RAB40B: variants seen among roughly 807,000 people sequenced by gnomAD.
RAB40B encodes RAB40B, member RAS oncogene family.
Under a neutral mutation model 24.0 loss-of-function variants are expected in RAB40B, and 21 were observed. The ratio of observed to expected loss-of-function variants is 0.88; its 90% CI spans 0.62 to 1.26. The LOEUF is 1.26. Ranked by LOEUF, RAB40B falls within the 50% of genes most tolerant of loss-of-function variation. The pLI is 0.00. For missense variants in RAB40B, 348 were observed against 390.5 expected, an observed-to-expected ratio of 0.89 and a Z score of 0.92; for synonymous variants, 167 against 169.8, an observed-to-expected ratio of 0.98 and a Z score of 0.13.
intron 1 of RAB40B, among the ~76,000 whole-genome samples, chr17:82,679,780 G>C (rs1046870266): frequency 7.2e-5 from 11 of 152,206 alleles, no homozygotes; most frequent in Admixed American, 1.3e-4. Context: ...CACAGGGCAG[G>C]GGCCAGCTTC....
chr17:82,657,131 C>T lies in RAB40B; in HGVS notation c.*732G>A, dbSNP rs940891874. 2.6e-5 allele frequency: 4 copies of T among 153,064 alleles called. No individual in the cohort carries two copies. The highest frequency in any genetic ancestry group is 5.8e-5 in the Non-Finnish European group (4 of 68,456). 9.5% of individuals were successfully genotyped at this position (153,064 alleles called of 1,614,324 possible). On this transcript the variant is annotated 3_prime_UTR_variant, in exon 6 of 6. Transcript: ENST00000571995. ...ACATTTTCCTAAATAAGTGTTTTCACTTCATTCTTTACTGAAACAGCTCTT... is the reference window on the plus strand; with the variant it reads ...ACATTTTCCTAAATAAGTGTTTTCATTTCATTCTTTACTGAAACAGCTCTT...
chr17:82,682,137 AC>A (rs1233480067), intron 1 of RAB40B, among the ~76,000 whole-genome samples: 261 of 151,948 alleles, frequency 1.7e-3, no homozygotes, highest in African/African-American at 6.1e-3. Flanking sequence ...ACACACACAC[AC>A]AGGCACGCAT....
rs1291920755 is a variant in RAB40B, at chr17:82,663,704, T to C, written c.203+792A>G. On this transcript the variant is annotated intron_variant, in intron 2 of 5. Transcript: ENST00000571995. This position sits in a 1 kb window ranked among gnomAD's most constrained non-coding sequence, Gnocchi z 6.2. Reference sequence around the variant, plus strand: ...CCGCTGGCACCAGGACGCTCCGAGCTCCCTGCCGGGTGCTCAGTGGCATCA... The same window carrying C: ...CCGCTGGCACCAGGACGCTCCGAGCCCCCTGCCGGGTGCTCAGTGGCATCA... 7.9e-5 allele frequency among the ~76,000 whole-genome samples: 12 copies of C among 151,868 alleles called. No individual in the cohort carries two copies. Among genetic ancestry groups the C allele is most frequent in the Admixed American group, 7.9e-4 (12 of 15,276 alleles).
In RAB40B at chr17:82,656,152, T is replaced by G. The variant is rs2143429934; in HGVS notation, c.*1711A>C. On this transcript the variant is annotated 3_prime_UTR_variant, in exon 6 of 6. Coordinates refer to ENST00000571995, the MANE Select transcript of RAB40B (RefSeq NM_006822.3). ...TTATTAGAGACGGGGTTTCATCACGTTGGCCAGACTGGTCTTGAACTCCTG... is the reference window on the plus strand; with the variant it reads ...TTATTAGAGACGGGGTTTCATCACGGTGGCCAGACTGGTCTTGAACTCCTG... 1 of 152,006 alleles carries G rather than the reference T, an allele frequency of 6.6e-6. No individual in the cohort carries two copies. Among genetic ancestry groups the G allele is most frequent in the Middle Eastern group, 3.4e-3 (1 of 296 alleles). The allele number at this position is 152,006 out of a possible 1,614,324, so 9.4% of individuals were successfully genotyped here.
intron 4 of RAB40B, 43 bp from the exon 5 acceptor site, chr17:82,658,756 G>A: frequency 6.5e-7 from 1 of 1,549,390 alleles, no homozygotes; most frequent in Non-Finnish European, 8.8e-7. Context: ...TTACTTCAGT[G>A]AGATTTTGTT....
At position 82,656,541 on chromosome 17, in the gene RAB40B, G is replaced by C. The variant is rs1054232430; in HGVS notation, c.*1322C>G. On this transcript the variant is annotated 3_prime_UTR_variant, in exon 6 of 6. Coordinates refer to ENST00000571995, the MANE Select transcript of RAB40B (RefSeq NM_006822.3). Reference sequence around the variant, plus strand: ...ATTTCTCAGACAGGCACATGCCTGGGTGCCAGCTTTTAACTCTCCGCTCTC... The same window carrying C: ...ATTTCTCAGACAGGCACATGCCTGGCTGCCAGCTTTTAACTCTCCGCTCTC... The C allele has an allele frequency of 6.6e-6, 1 of 152,162 alleles. No individual in the cohort carries two copies. The highest frequency in any genetic ancestry group is 1.5e-5 in the Non-Finnish European group (1 of 68,040). The allele number at this position is 152,162 out of a possible 1,614,324, so 9.4% of individuals were successfully genotyped here. A position where few individuals can be genotyped will look rare whatever the true frequency, so the allele number is the denominator to read the frequency against.
chr17:82,691,493 C>T (rs987285570), intron 1 of RAB40B, among the ~76,000 whole-genome samples: 1 of 152,104 alleles, frequency 6.6e-6, no homozygotes, highest in Non-Finnish European at 1.5e-5. Flanking sequence ...CGAGACCAGC[C>T]TGACCAACAT....
chr17:82,658,527 G>T lies in RAB40B; in HGVS notation c.529C>A (p.Arg177=), dbSNP rs759416119. The T allele has an allele frequency of 7.4e-6, 12 of 1,613,124 alleles. No individual in the cohort carries two copies. In the Middle Eastern group the frequency reaches 1.6e-3, roughly 216 times the overall value. The change falls in exon 5 of 6, where the codon CGG becomes AGG. Residue 177 remains arginine (R), a synonymous_variant. Coordinates refer to ENST00000571995, the MANE Select transcript of RAB40B (RefSeq NM_006822.3). ...CGCCAGAGCCGGTCCATCCCATGCCGCAGCAGCACGATCCTGGCCAGCTCC... is the reference window on the plus strand; with the variant it reads ...CGCCAGAGCCGGTCCATCCCATGCCTCAGCAGCACGATCCTGGCCAGCTCC... The part of the protein sequence containing the change: ...FTELARIVLL[R]HGMDRLWRPS...
chr17:82,676,322 G>C (rs2046393874), intron 1 of RAB40B, among the ~76,000 whole-genome samples: 1 of 139,106 alleles, frequency 7.2e-6, no homozygotes, highest in Non-Finnish European at 1.6e-5. Context: ...CACACAGTGA[G>C]GGCACCCCTC....
chr17:82,684,775 T>C (rs984346426), intron 1 of RAB40B, among the ~76,000 whole-genome samples: 1 of 152,010 alleles, frequency 6.6e-6, no homozygotes, highest in African/African-American at 2.4e-5. Context: ...GTGGAGGTGT[T>C]CTCCACCTTG....
chr17:82,680,124 C>T (rs975619610), intron 1 of RAB40B, among the ~76,000 whole-genome samples: 16 of 152,212 alleles, frequency 1.1e-4, no homozygotes, highest in South Asian at 2.1e-4. Flanking sequence ...CTGCTCAGAC[C>T]GGAGGCCTGG....
intron 1 of RAB40B, among the ~76,000 whole-genome samples, chr17:82,682,619 A>G (rs1421761298): frequency 6.6e-6 from 1 of 152,218 alleles, no homozygotes; most frequent in Non-Finnish European, 1.5e-5. Context: ...CAAACTCAAG[A>G]CTTACTATAT....
chr17:82,675,139 T>C lies in RAB40B; in HGVS notation c.143-10583A>G, dbSNP rs1399743203. Among the ~76,000 whole-genome samples the C allele has an allele frequency of 6.6e-6, 1 of 152,216 alleles. No individual in the cohort carries two copies. Among genetic ancestry groups the C allele is most frequent in the Non-Finnish European group, 1.5e-5 (1 of 68,046 alleles). ...GCTACAAAGGATGCATTTTCACATC[T>C]TCCCCAAGCAAAGTACAATGACCTC... On this transcript the variant is annotated intron_variant, in intron 1 of 5. Transcript: ENST00000571995. The surrounding 1 kb of genome is among the most constrained non-coding windows in gnomAD (Gnocchi z 4.5).
chr17:82,686,832 C>T (rs1035835568), intron 1 of RAB40B, among the ~76,000 whole-genome samples: 6 of 152,234 alleles, frequency 3.9e-5, no homozygotes, highest in African/African-American at 1.4e-4. Flanking sequence ...GAGCCCCCCA[C>T]CTTCCTCCAC....
At chr17:82,659,719 C>T (rs1313626150) in intron 3 of RAB40B, 62 bp from the exon 4 acceptor site, 2 of 1,308,978 alleles carry the variant, frequency 1.5e-6, no homozygotes, top group Non-Finnish European at 2.2e-6. Flanking sequence ...TGTGGCCATG[C>T]ACGCAAAGAC....
At chr17:82,688,653 G>T (rs1264826330) in intron 1 of RAB40B, among the ~76,000 whole-genome samples, 2 of 151,952 alleles carry the variant, frequency 1.3e-5, no homozygotes, top group East Asian at 3.9e-4. Flanking sequence ...TTTTGTTTGG[G>T]CCGGGCGTGG....
intron 3 of RAB40B, among the ~76,000 whole-genome samples, chr17:82,660,075 TACAC>T (rs145916099): frequency 0.012 from 1,759 of 149,386 alleles, 15 homozygotes; most frequent in Non-Finnish European, 0.019. Context: ...ACATGTTGCA[TACAC>T]ACACGCAGGC....
chr17:82,686,842 C>T (rs1180243012), intron 1 of RAB40B, among the ~76,000 whole-genome samples: 2 of 152,226 alleles, frequency 1.3e-5, no homozygotes, highest in Non-Finnish European at 2.9e-5. Flanking sequence ...CCTTCCTCCA[C>T]GTTCCTCCCG....
chr17:82,672,569 T>G (rs1234143653), intron 1 of RAB40B, among the ~76,000 whole-genome samples: 1 of 152,156 alleles, frequency 6.6e-6, no homozygotes, highest in Non-Finnish European at 1.5e-5. Flanking sequence ...GCCAAGTAAT[T>G]AGGATTAGGT....
Sources: gnomAD v4.1 joint callset for allele counts (sites outside exome capture counted in the v4.1 genomes callset) on GRCh38, gnomAD v4.1.1 for gene constraint, Gnocchi (gnomAD v3.1) non-coding constraint, MANE v1.5 for transcripts, NCBI Gene and HGNC (gene_info 2026-07-23, HGNC 2026-07-21) for gene names.